Variants in PAFAH2 observed in about 807,000 individuals in gnomAD.
PAFAH2 encodes platelet-activating factor acetylhydrolase 2, cytoplasmic.
Under a neutral mutation model 49.0 loss-of-function variants are expected in PAFAH2, and 42 were observed. The ratio of observed to expected loss-of-function variants is 0.86; its 90% CI spans 0.67 to 1.11. The LOEUF (loss-of-function observed/expected upper bound fraction) is 1.11, where lower values mean the gene tolerates loss of function less well. Among genes scored for constraint, PAFAH2 ranks in the 50% least tolerant of loss-of-function variants. The probability of loss-of-function intolerance (pLI) is 0.00; values close to 1 mark genes in which losing one functional copy is unlikely to be tolerated. For missense variants in PAFAH2, 503 were observed against 501.8 expected, an observed-to-expected ratio of 1.00 and a Z score of -0.02; for synonymous variants, 184 against 181.3, an observed-to-expected ratio of 1.01 and a Z score of -0.12.
chr1:25,971,605 GA>G (rs1327519577), intron 10 of PAFAH2, among the ~76,000 whole-genome samples: 1 of 152,178 alleles, frequency 6.6e-6, no homozygotes, highest in Non-Finnish European at 1.5e-5. Flanking sequence ...GAGACAGACG[GA>G]AAGAAAAGTC....
intron 1 of PAFAH2, among the ~76,000 whole-genome samples, chr1:25,992,122 G>T (rs1410657012): frequency 6.6e-6 from 1 of 151,964 alleles, no homozygotes; most frequent in African/African-American, 2.4e-5. Context: ...TGAGAGACAG[G>T]GTCTTGCTAT....
intron 10 of PAFAH2, among the ~76,000 whole-genome samples, chr1:25,971,958 G>A (rs774999387): frequency 6.6e-6 from 1 of 152,130 alleles, no homozygotes; most frequent in African/African-American, 2.4e-5. Context: ...GAGAGGTGGT[G>A]GAGTAGAGAG....
chr1:25,990,798 C>G lies in PAFAH2; in HGVS notation c.19G>C (p.Val7Leu). Residue 7 changes from valine (V) to leucine (L), a missense_variant, in exon 2 of 11, where the codon GTG (valine) becomes CTG (leucine). Val to Leu is a conservative substitution (Grantham distance 32). Coordinates refer to ENST00000374282, the MANE Select transcript of PAFAH2 (RefSeq NM_000437.4). ...GGTCCTGTGACAGGTGGAAAGCCCA[C>G]AGACTGGTTGACCCCCATTTCATCA... MGVNQS[V>L]GFPPVTGPHL... The G allele has an allele frequency of 6.2e-7, 1 of 1,614,082 alleles. No individual in the cohort carries two copies. Among genetic ancestry groups the G allele is most frequent in the Non-Finnish European group, 8.5e-7 (1 of 1,179,964 alleles).
chr1:25,982,449 C>T lies in PAFAH2; in HGVS notation c.581G>A (p.Arg194Gln), dbSNP rs773975488. 8.1e-6 allele frequency: 13 copies of T among 1,613,934 alleles called. No homozygotes were observed. Among genetic ancestry groups the T allele is most frequent in the South Asian group, 2.2e-5 (2 of 91,074 alleles). The change falls in exon 7 of 11, where the codon CGG becomes CAG. Residue 194 changes from arginine (R) to glutamine (Q), a missense_variant. Arg to Gln is a conservative substitution (Grantham distance 43). Coordinates refer to ENST00000374282, the MANE Select transcript of PAFAH2 (RefSeq NM_000437.4). Reference protein sequence around the residue: ...QVHQRVSECLRVLKILQEVTA... With the variant: ...QVHQRVSECLQVLKILQEVTA... ...GACCTCTTGCAGGATCTTCAACACC[C>T]GTAAACACTCGCTTACCCGCTGATG...
intron 7 of PAFAH2, among the ~76,000 whole-genome samples, chr1:25,978,458 T>A (rs6683366): frequency 0.079 from 12,050 of 152,242 alleles, 659 homozygotes; most frequent in Admixed American, 0.17. Flanking sequence ...TGTTTCCACA[T>A]CCTTTTTCAC....
chr1:25,984,169 C>A (rs907752902), intron 5 of PAFAH2, 82 bp from the exon 6 acceptor site: 1 of 1,517,232 alleles, frequency 6.6e-7, no homozygotes. Context: ...TCCCTTTCAT[C>A]CAGGAGGCTC....
chr1:25,983,858 G>A, intron 6 of PAFAH2, 88 bp downstream of exon 6: 1 of 1,414,446 alleles, frequency 7.1e-7, no homozygotes, highest in Admixed American at 1.8e-5. Flanking sequence ...GACATTTCAA[G>A]AGAGGGTTAA....
In PAFAH2 at chr1:25,983,927, C is replaced by G. The variant is rs762054702; in HGVS notation, c.552+19G>C. 6.2e-7 allele frequency: 1 copy of G among 1,613,842 alleles called. No individual in the cohort carries two copies. The highest frequency in any genetic ancestry group is 2.2e-5 in the East Asian group (1 of 44,880). On this transcript the variant is annotated intron_variant, in intron 6 of 10. Coordinates refer to ENST00000374282, the MANE Select transcript of PAFAH2 (RefSeq NM_000437.4). ...GAACAGGCTCATTAACTCTCCCTCCCCAACTGGCACAAACTTACCTGGGGA... is the reference window on the plus strand; with the variant it reads ...GAACAGGCTCATTAACTCTCCCTCCGCAACTGGCACAAACTTACCTGGGGA...
At chr1:25,966,263 C>G (rs962465943) in intron 10 of PAFAH2, among the ~76,000 whole-genome samples, 9 of 152,174 alleles carry the variant, frequency 5.9e-5, no homozygotes, top group African/African-American at 2.2e-4. Flanking sequence ...AATCCCACTA[C>G]TGGCTATCTA....
intron 7 of PAFAH2, among the ~76,000 whole-genome samples, chr1:25,978,422 G>C (rs1219337894): frequency 1.3e-5 from 2 of 152,018 alleles, no homozygotes; most frequent in African/African-American, 4.8e-5. Flanking sequence ...GTATATTTTT[G>C]TACATAACCA....
intron 7 of PAFAH2, among the ~76,000 whole-genome samples, chr1:25,981,069 C>G (rs780405800): frequency 6.6e-6 from 1 of 152,026 alleles, no homozygotes; most frequent in Non-Finnish European, 1.5e-5. Context: ...TGAGTCCAGC[C>G]TGGGCAGATA....
chr1:25,977,601 G>A (rs1247323833), intron 7 of PAFAH2, among the ~76,000 whole-genome samples: 1 of 148,372 alleles, frequency 6.7e-6, no homozygotes, highest in Non-Finnish European at 1.5e-5. Flanking sequence ...GCTGCAGTGA[G>A]CCATGATTGC....
chr1:25,970,779 G>C (rs1239756840), intron 10 of PAFAH2, among the ~76,000 whole-genome samples: 1 of 151,840 alleles, frequency 6.6e-6, no homozygotes, highest in Non-Finnish European at 1.5e-5. Flanking sequence ...GCTGAGATGG[G>C]GTCTCACTAT....
At chr1:25,965,817 CAAAAAAAA>C (rs56272061) in intron 10 of PAFAH2, among the ~76,000 whole-genome samples, 4 of 17,388 alleles carry the variant, frequency 2.3e-4, no homozygotes, top group African/African-American at 7.8e-4. Flanking sequence ...GACTTTGTCT[CAAAAAAAA>C]AAAAAAAAAA....
rs950382869 is a variant in PAFAH2 at position 25,960,869 on chromosome 1, G to C, written c.*1120C>G. On this transcript the variant is annotated 3_prime_UTR_variant, in exon 11 of 11. Coordinates refer to ENST00000374282, the MANE Select transcript of PAFAH2 (RefSeq NM_000437.4). ...CACCCAGGCTGGAGTGCAGTGGCGC[G>C]ATCTTGACTCACTGCAACCTCCGCC... is the stretch of plus-strand genomic sequence containing the variant. 6.6e-6 allele frequency: 1 copy of C among 150,712 alleles called. No homozygotes were observed. The highest frequency in any genetic ancestry group is 2.4e-5 in the African/African-American group (1 of 40,900). The allele number at this position is 150,712 out of a possible 1,614,324, so 9.3% of individuals were successfully genotyped here.
chr1:25,977,822 G>A (rs938160639), intron 7 of PAFAH2, among the ~76,000 whole-genome samples: 4 of 152,082 alleles, frequency 2.6e-5, no homozygotes, highest in Admixed American at 1.3e-4. Flanking sequence ...ACTGAGCTGA[G>A]GGTGAAACGG....
At chr1:25,992,148 C>G (rs2049884990) in intron 1 of PAFAH2, among the ~76,000 whole-genome samples, 1 of 152,046 alleles carries the variant, frequency 6.6e-6, no homozygotes, top group Non-Finnish European at 1.5e-5. Context: ...CCAGGCTGGT[C>G]TCAAACTCCT....
At chr1:25,976,169 G>T (rs2049586089) in intron 8 of PAFAH2, among the ~76,000 whole-genome samples, 1 of 152,046 alleles carries the variant, frequency 6.6e-6, no homozygotes, top group African/African-American at 2.4e-5. Flanking sequence ...TTTGAGACAG[G>T]ATCTTGCTCT....
intron 7 of PAFAH2, 87 bp downstream of exon 7, chr1:25,982,277 G>A (rs1208977754): frequency 1.1e-6 from 1 of 951,258 alleles, no homozygotes. Context: ...TTCTCTTTTG[G>A]TTCATACCAG....
Sources: gnomAD v4.1 joint callset for allele counts (sites outside exome capture counted in the v4.1 genomes callset) on GRCh38, gnomAD v4.1.1 for gene constraint, MANE v1.5 for transcripts, NCBI Gene and HGNC (gene_info 2026-07-23, HGNC 2026-07-21) for gene names.